The following GPHN variants were observed in gnomAD, a reference collection of about 807,000 sequenced individuals.
GPHN encodes the protein gephyrin.
GPHN carries 17 observed loss-of-function variants against 95.5 expected under a neutral mutation model. The ratio of observed to expected loss-of-function variants is 0.18; its 90% CI spans 0.12 to 0.27. The LOEUF is 0.27. Among genes scored for constraint, GPHN ranks in the 10% least tolerant of loss-of-function variants. The pLI is 1.00. For missense variants in GPHN, 660 were observed against 978.1 expected (o/e 0.67, Z 4.34); for synonymous variants, 320 against 322.5 (o/e 0.99, Z 0.08).
chr14:66,788,744 A>G (rs1166722950), intron 3 of GPHN, among the ~76,000 whole-genome samples: 4 of 152,010 alleles, frequency 2.6e-5, no homozygotes, highest in Non-Finnish European at 5.9e-5. Context: ...GCAACCTCCA[A>G]CCCCCAGGTT....
chr14:66,862,805 G>A (rs976819807), intron 4 of GPHN, among the ~76,000 whole-genome samples: 20 of 152,032 alleles, frequency 1.3e-4, no homozygotes, highest in African/African-American at 4.6e-4. Flanking sequence ...CAAAAAAACT[G>A]GGTGTAGAAG....
the GPHN span, among the ~76,000 whole-genome samples, chr14:67,323,261 G>GTGTGTGTATATATATATA: frequency 4.8e-5 from 6 of 124,138 alleles, no homozygotes; most frequent in Non-Finnish European, 9.2e-5. Context: ...GTGTGTGTGT[G>GTGTGTGTATATATATATA]TATATATATA....
chr14:66,686,379 C>T (rs563134061), intron 2 of GPHN, among the ~76,000 whole-genome samples: 87 of 152,260 alleles, frequency 5.7e-4, no homozygotes, highest in Middle Eastern at 6.8e-3. Context: ...TATCCATGAG[C>T]ATGGAATAAA....
intron 1 of GPHN, among the ~76,000 whole-genome samples, chr14:66,636,954 A>G (rs556476259): frequency 7.2e-5 from 11 of 152,186 alleles, no homozygotes; most frequent in Non-Finnish European, 1.3e-4. Context: ...TTAAAATTTC[A>G]CAACGCTACT....
the GPHN span, among the ~76,000 whole-genome samples, chr14:67,319,650 G>A: frequency 6.6e-6 from 1 of 151,632 alleles, no homozygotes; most frequent in Non-Finnish European, 1.5e-5. Context: ...ATCTCACAGT[G>A]TTTTAAGAAA....
At chr14:67,503,364 C>T in the GPHN span, 1 of 152,158 alleles carries the variant, frequency 6.6e-6, no homozygotes, top group African/African-American at 2.4e-5. Flanking sequence ...ATTAGTTGTG[C>T]AAGTGGATTA....
At chr14:67,093,785 C>CT (rs1379892137) in intron 12 of GPHN, among the ~76,000 whole-genome samples, 1 of 152,054 alleles carries the variant, frequency 6.6e-6, no homozygotes. Flanking sequence ...TAATGTAATA[C>CT]TTGAGTGTAA....
chr14:66,616,252 T>A (rs1437275103), intron 1 of GPHN, among the ~76,000 whole-genome samples: 6 of 150,516 alleles, frequency 4.0e-5, no homozygotes, highest in Non-Finnish European at 7.4e-5. Context: ...TCAATGATAG[T>A]TTGATGGGAA....
intron 5 of GPHN, among the ~76,000 whole-genome samples, chr14:66,894,412 G>A (rs553527007): frequency 1.3e-5 from 2 of 152,242 alleles, no homozygotes; most frequent in South Asian, 4.1e-4. Context: ...AAAAACCCTA[G>A]AAGAAAACCT....
At chr14:66,972,871 A>G (rs1368769258) in intron 9 of GPHN, among the ~76,000 whole-genome samples, 2 of 152,144 alleles carry the variant, frequency 1.3e-5, no homozygotes, top group Non-Finnish European at 2.9e-5. Flanking sequence ...TGTTCATACT[A>G]CTTGGATCTA....
At chr14:67,392,634 G>A in the GPHN span, 1 of 1,589,236 alleles carries the variant, frequency 6.3e-7, no homozygotes, top group African/African-American at 1.3e-5. Context: ...TTGCCCTGGT[G>A]GCAAGAAGAA....
intron 4 of GPHN, among the ~76,000 whole-genome samples, chr14:66,845,849 G>GTGTGTA (rs1424503753): frequency 1.3e-5 from 2 of 151,570 alleles, no homozygotes; most frequent in African/African-American, 4.9e-5. Context: ...GTGTGTGTGT[G>GTGTGTA]TGTGTGTGTG....
chr14:67,198,588 T>C, the GPHN span, among the ~76,000 whole-genome samples: 2 of 152,232 alleles, frequency 1.3e-5, no homozygotes, highest in African/African-American at 4.8e-5. Context: ...CAAAATTACA[T>C]GAAGCCGTTT....
At chr14:67,672,708 G>A in the GPHN span, among the ~76,000 whole-genome samples, 6 of 152,006 alleles carry the variant, frequency 3.9e-5, no homozygotes, top group Non-Finnish European at 7.4e-5. Flanking sequence ...TTCCCCAAGT[G>A]CTGGAATTAC....
intron 10 of GPHN, among the ~76,000 whole-genome samples, chr14:67,045,422 T>C (rs1689049445): frequency 6.7e-6 from 1 of 149,388 alleles, no homozygotes; most frequent in African/African-American, 2.5e-5. Flanking sequence ...CTCTCTCTCT[T>C]GTCTTTCTGT....
chr14:67,070,659 G>A (rs2076251264), intron 11 of GPHN, among the ~76,000 whole-genome samples: 1 of 127,470 alleles, frequency 7.8e-6, no homozygotes, highest in African/African-American at 3.1e-5. Context: ...TCGTGCCATT[G>A]TACTCTAGCC....
At chr14:67,215,188 C>T in the GPHN span, among the ~76,000 whole-genome samples, 1 of 152,232 alleles carries the variant, frequency 6.6e-6, no homozygotes, top group Non-Finnish European at 1.5e-5. Flanking sequence ...TCTCCTGAAG[C>T]CCTACAGTCA....
the GPHN span, among the ~76,000 whole-genome samples, chr14:67,705,744 C>A: frequency 6.6e-6 from 1 of 152,042 alleles, no homozygotes; most frequent in Non-Finnish European, 1.5e-5. Flanking sequence ...ATTATTTTTG[C>A]AATTTTTTGT....
chr14:67,685,876 A>G, the GPHN span, among the ~76,000 whole-genome samples: 1 of 152,122 alleles, frequency 6.6e-6, no homozygotes, highest in Non-Finnish European at 1.5e-5. Flanking sequence ...TCGGCCTCCC[A>G]AAGTGCTGGG....
Sources: gnomAD v4.1 joint callset for allele counts (sites outside exome capture counted in the v4.1 genomes callset) on GRCh38, gnomAD v4.1.1 for gene constraint, MANE v1.5 for transcripts, NCBI Gene and HGNC (gene_info 2026-07-23, HGNC 2026-07-21) for gene names.